The following TRPC4 variants were observed in gnomAD, a reference collection of about 807,000 sequenced individuals.
The protein encoded by TRPC4 is transient receptor potential cation channel subfamily C member 4.
TRPC4 carries 49 observed loss-of-function variants against 99.4 expected under a neutral mutation model. That is an observed-to-expected ratio of 0.49 (90% CI 0.39 to 0.63). The LOEUF (loss-of-function observed/expected upper bound fraction) is 0.63. TRPC4 is among the 20% of genes least tolerant of loss of function. TRPC4 has a pLI of 0.00. For synonymous variants in TRPC4, 454 were observed against 425.9 expected (o/e 1.07, Z -0.81); for missense variants, 898 against 1,152.9 (o/e 0.78, Z 3.20).
intron 3 of TRPC4, among the ~76,000 whole-genome samples, chr13:37,725,816 T>C (rs1955035262): frequency 6.6e-6 from 1 of 152,152 alleles, no homozygotes; most frequent in Admixed American, 6.5e-5. Context: ...AAATGCTAAA[T>C]TGAGTTCTGC....
chr13:37,760,320 C>T (rs933186102), intron 2 of TRPC4, among the ~76,000 whole-genome samples: 3 of 151,882 alleles, frequency 2.0e-5, no homozygotes, highest in Admixed American at 6.6e-5. Context: ...TGGTGTTTGC[C>T]TTTTCCCTCT....
intron 3 of TRPC4, among the ~76,000 whole-genome samples, chr13:37,730,101 CTATTCA>C (rs1955195279): frequency 6.6e-6 from 1 of 152,018 alleles, no homozygotes; most frequent in Non-Finnish European, 1.5e-5. Context: ...TCCCCTGTGA[CTATTCA>C]GGTTTCCAGC....
Position 37,746,019 on chromosome 13 carries a change from C to T in TRPC4, c.815G>A (p.Arg272Gln), listed in dbSNP as rs149958774. 4 of 1,613,834 alleles carry T rather than the reference C, an allele frequency of 2.5e-6. No individual in the cohort carries two copies. Among genetic ancestry groups the T allele is most frequent in the Admixed American group, 1.7e-5 (1 of 59,988 alleles). ...TTCTTCTATGAGACTATTGTCATCT[C>T]GGTAATTAAGAATGATTTCCAGTTC... ...SRELEIILNY[R>Q]DDNSLIEEQS... The change falls in exon 3 of 11, where the codon CGA becomes CAA. Residue 272 changes from arginine (R) to glutamine (Q), a missense_variant. Physicochemically the swap from Arg to Gln is conservative, Grantham distance 43. Around this residue, in one of 3 missense-constraint regions of TRPC4, gnomAD observed 278 missense variants for 346.6 expected, o/e 0.80. Transcript: ENST00000379705.
intron 1 of TRPC4, among the ~76,000 whole-genome samples, chr13:37,796,432 T>C (rs979366163): frequency 1.3e-5 from 2 of 152,186 alleles, no homozygotes; most frequent in African/African-American, 4.8e-5. Flanking sequence ...CTTATTACCC[T>C]GTATTACACA....
At chr13:37,825,737 A>T (rs1284586280) in intron 1 of TRPC4, among the ~76,000 whole-genome samples, 1 of 149,916 alleles carries the variant, frequency 6.7e-6, no homozygotes, top group African/African-American at 2.5e-5. Context: ...TGCTGAAAAA[A>T]ATGTATATTC....
chr13:37,679,960 ACAGACG>A (rs1953181995), intron 4 of TRPC4, among the ~76,000 whole-genome samples: 1 of 152,176 alleles, frequency 6.6e-6, no homozygotes, highest in Admixed American at 6.5e-5. Flanking sequence ...TAACCTGGCT[ACAGACG>A]CAGAATTCAA....
chr13:37,828,177 C>G (rs1036241991), intron 1 of TRPC4, among the ~76,000 whole-genome samples: 36 of 152,320 alleles, frequency 2.4e-4, no homozygotes, highest in Non-Finnish European at 4.3e-4. Flanking sequence ...CTGTCTGGCA[C>G]TCCCTAGTGA....
At chr13:37,813,503 A>G (rs899418930) in intron 1 of TRPC4, among the ~76,000 whole-genome samples, 1 of 151,560 alleles carries the variant, frequency 6.6e-6, no homozygotes, top group South Asian at 2.1e-4. Flanking sequence ...GACCAAGGGG[A>G]AAAAAAAGAG....
At chr13:37,783,392 G>C (rs1431432252) in intron 1 of TRPC4, 32 bp from the exon 2 acceptor site, 2 of 1,468,308 alleles carry the variant, frequency 1.4e-6, no homozygotes, top group Non-Finnish European at 1.8e-6. Context: ...ACAAAGATTA[G>C]TGTTAATATG....
intron 2 of TRPC4, among the ~76,000 whole-genome samples, chr13:37,762,805 C>T (rs1285513774): frequency 2.0e-5 from 3 of 149,528 alleles, no homozygotes; most frequent in Non-Finnish European, 4.5e-5. Flanking sequence ...CAGCATGGCA[C>T]ATGTATACAT....
chr13:37,684,296 G>A (rs928126933), intron 4 of TRPC4, among the ~76,000 whole-genome samples: 3 of 152,072 alleles, frequency 2.0e-5, no homozygotes, highest in Non-Finnish European at 2.9e-5. Context: ...ACCACTATGG[G>A]TTTTGACACC....
intron 7 of TRPC4, among the ~76,000 whole-genome samples, chr13:37,653,119 CA>C (rs1454905632): frequency 1.3e-5 from 2 of 152,184 alleles, no homozygotes; most frequent in African/African-American, 2.4e-5. Flanking sequence ...ATGACATCCT[CA>C]AATTTCTTTT....
chr13:37,818,736 G>C (rs180815109), intron 1 of TRPC4, among the ~76,000 whole-genome samples: 1 of 152,180 alleles, frequency 6.6e-6, no homozygotes, highest in Non-Finnish European at 1.5e-5. Flanking sequence ...TCACTCATAA[G>C]TGGGAGTTGA....
intron 1 of TRPC4, among the ~76,000 whole-genome samples, chr13:37,794,945 A>G (rs1957209033): frequency 1.3e-5 from 2 of 152,148 alleles, no homozygotes; most frequent in African/African-American, 4.8e-5. Flanking sequence ...TAACTAAAAA[A>G]AGAAGTTTTT....
At chr13:37,745,462 A>ATATATATATGCGTG (rs1555265770) in intron 3 of TRPC4, among the ~76,000 whole-genome samples, 2 of 4,332 alleles carry the variant, frequency 4.6e-4, no homozygotes, top group East Asian at 3.0e-3. Flanking sequence ...ATATATATAT[A>ATATATATATGCGTG]TATATATATA....
At chr13:37,857,572 T>A (rs1593330743) in intron 1 of TRPC4, among the ~76,000 whole-genome samples, 1 of 151,674 alleles carries the variant, frequency 6.6e-6, no homozygotes, top group African/African-American at 2.4e-5. Flanking sequence ...AACAGACACT[T>A]AAACAAATGG....
At chr13:37,678,372 A>C (rs939960397) in intron 4 of TRPC4, among the ~76,000 whole-genome samples, 1 of 152,084 alleles carries the variant, frequency 6.6e-6, no homozygotes, top group Non-Finnish European at 1.5e-5. Context: ...CGCTAGCCAG[A>C]ATGATTAACA....
At chr13:37,859,140 A>C (rs1959201377) in intron 1 of TRPC4, among the ~76,000 whole-genome samples, 1 of 151,590 alleles carries the variant, frequency 6.6e-6, no homozygotes, top group Admixed American at 6.6e-5. Context: ...CATGGTGAAA[A>C]AAGAGGATTC....
intron 1 of TRPC4, among the ~76,000 whole-genome samples, chr13:37,817,789 A>G (rs1374529162): frequency 1.3e-5 from 2 of 151,890 alleles, no homozygotes; most frequent in Non-Finnish European, 2.9e-5. Context: ...AATTGGGAAC[A>G]ATGTCCTATT....
Sources: allele counts gnomAD v4.1 joint callset (sites outside exome capture counted in the v4.1 genomes callset), GRCh38; gene constraint gnomAD v4.1.1; regional missense constraint gnomAD v4.1.1; transcripts MANE v1.5; gene names NCBI Gene and HGNC (gene_info 2026-07-23, HGNC 2026-07-21).